Variants in POLE2 observed in about 807,000 individuals in gnomAD.
POLE2 encodes the protein DNA polymerase epsilon 2, accessory subunit.
A neutral mutation model predicts 79.4 loss-of-function variants in POLE2; 56 were observed. The observed-to-expected ratio is 0.71, with a 90% confidence interval of 0.57 to 0.88. POLE2 has a LOEUF of 0.88. Among genes scored for constraint, POLE2 ranks in the 40% least tolerant of loss-of-function variants. The pLI, the probability that POLE2 is intolerant of heterozygous loss-of-function variation, is 0.00. For missense variants in POLE2, 598 were observed against 638.9 expected (o/e 0.94, Z 0.69); for synonymous variants, 212 against 214.0 (o/e 0.99, Z 0.08).
chr14:49,669,131 C>A (rs569517597), intron 6 of POLE2, among the ~76,000 whole-genome samples: 1 of 152,210 alleles, frequency 6.6e-6, no homozygotes, highest in East Asian at 1.9e-4. Flanking sequence ...GTGGTGGTCA[C>A]TGAGGGATGA....
In POLE2 at chr14:49,647,231, C is replaced by G. The variant is rs992260892; in HGVS notation, c.1565+62G>C. 5.8e-6 allele frequency: 5 copies of G among 864,178 alleles called. No homozygotes were observed. In the African/African-American group the frequency reaches 7.0e-5, roughly 12 times the overall value. 53.5% of individuals were successfully genotyped at this position (864,178 alleles called of 1,614,324 possible). A position where few individuals can be genotyped will look rare whatever the true frequency, so the allele number is the denominator to read the frequency against. On this transcript the variant is annotated intron_variant, in intron 18 of 18. Transcript: ENST00000216367. ...ATCCCAACACACTGATAGAACATCTCATTTTCAGTAATTTAACACCTAGAG... is the reference window on the plus strand; with the variant it reads ...ATCCCAACACACTGATAGAACATCTGATTTTCAGTAATTTAACACCTAGAG...
rs35928004 is a variant in POLE2, at chr14:49,673,671, G to C, written c.417+452C>G. 9.2e-3 allele frequency among the ~76,000 whole-genome samples: 1,395 copies of C among 152,144 alleles called. 21 individuals carry two copies. Among genetic ancestry groups the C allele is most frequent in the African/African-American group, 0.031 (1,306 of 41,500 alleles). ...CATAGACTGTAAGCTACTTGAAAGT[G>C]GTAAAGTATAGTAGGCAATGGTTGG... On this transcript the variant is annotated intron_variant, in intron 5 of 18. Coordinates refer to ENST00000216367, the MANE Select transcript of POLE2 (RefSeq NM_002692.4).
chr14:49,662,595 G>A (rs1885171570), intron 10 of POLE2, among the ~76,000 whole-genome samples: 4 of 152,240 alleles, frequency 2.6e-5, no homozygotes, highest in African/African-American at 4.8e-5. Context: ...CCCAAAGTGG[G>A]CAACCACTGC....
At chr14:49,656,227 C>T (rs1340471291) in intron 10 of POLE2, among the ~76,000 whole-genome samples, 1 of 151,896 alleles carries the variant, frequency 6.6e-6, no homozygotes. Flanking sequence ...ACGTGGCGGG[C>T]GCCTGTAGTC....
At chr14:49,665,269 G>A in intron 7 of POLE2, 106 bp from the exon 8 acceptor site, 1 of 630,554 alleles carries the variant, frequency 1.6e-6, no homozygotes, top group East Asian at 2.8e-5. Context: ...GGAGAAAGTG[G>A]ATTTTAAAAA....
At chr14:49,643,760 A>G in intron 18 of POLE2, 90 bp from the exon 19 acceptor site, 1 of 631,456 alleles carries the variant, frequency 1.6e-6, no homozygotes. Context: ...AGGTATAGTT[A>G]ATTGATTTTT....
intron 5 of POLE2, among the ~76,000 whole-genome samples, chr14:49,671,627 A>G (rs1265432672): frequency 4.1e-5 from 6 of 146,786 alleles, no homozygotes; most frequent in African/African-American, 1.5e-4. Flanking sequence ...AGAAAAAAAA[A>G]AAAAAAAAAA....
chr14:49,657,349 G>A (rs1884764538), intron 10 of POLE2, among the ~76,000 whole-genome samples: 1 of 151,684 alleles, frequency 6.6e-6, no homozygotes, highest in Admixed American at 6.6e-5. Context: ...CAAAAAAAGG[G>A]AATAGATATA....
chr14:49,657,166 T>C (rs1884747109), intron 10 of POLE2, among the ~76,000 whole-genome samples: 1 of 151,924 alleles, frequency 6.6e-6, no homozygotes, highest in Non-Finnish European at 1.5e-5. Context: ...GATTGTTTCA[T>C]GTCTGTCTCC....
At chr14:49,677,732 C>A in intron 3 of POLE2, 8 of 1,379,304 alleles carry the variant, frequency 5.8e-6, no homozygotes, top group Non-Finnish European at 7.8e-6. Context: ...GCAGAACCAA[C>A]TCAGCATCCC....
chr14:49,649,137 C>A (rs867346468), intron 17 of POLE2, among the ~76,000 whole-genome samples: 1 of 108,786 alleles, frequency 9.2e-6, no homozygotes, highest in Non-Finnish European at 1.8e-5. Flanking sequence ...ATTTCTTTCC[C>A]TTTTTTTTTT....
chr14:49,686,996 G>A (rs1887183912), intron 1 of POLE2, among the ~76,000 whole-genome samples: 1 of 152,058 alleles, frequency 6.6e-6, no homozygotes, highest in African/African-American at 2.4e-5. Context: ...AAAATATTGT[G>A]TTCTAGGTCA....
At chr14:49,655,492 GGTT>G (rs1277738544) in intron 11 of POLE2, among the ~76,000 whole-genome samples, 176 bp downstream of exon 11, 1 of 131,896 alleles carries the variant, frequency 7.6e-6, no homozygotes, top group Admixed American at 7.2e-5. Flanking sequence ...CACACACACA[GGTT>G]TTTTTCTTAA....
chr14:49,658,076 CT>C (rs745935612), intron 10 of POLE2, among the ~76,000 whole-genome samples: 331 of 144,238 alleles, frequency 2.3e-3, no homozygotes, highest in East Asian at 4.6e-3. Context: ...CTCTGGTCAT[CT>C]TTTTTTTTTT....
intron 1 of POLE2, among the ~76,000 whole-genome samples, chr14:49,684,042 C>G (rs1886927782): frequency 6.6e-6 from 1 of 152,156 alleles, no homozygotes; most frequent in Admixed American, 6.5e-5. Context: ...ACATTTAAGG[C>G]AAGAGTCCAT....
chr14:49,666,180 C>G, intron 7 of POLE2, 150 bp downstream of exon 7: 1 of 611,884 alleles, frequency 1.6e-6, no homozygotes, highest in Non-Finnish European at 2.9e-6. Context: ...ATACTATTTC[C>G]TCGTATTACC....
At chr14:49,681,088 G>C (rs1305837087) in intron 2 of POLE2, among the ~76,000 whole-genome samples, 1 of 152,176 alleles carries the variant, frequency 6.6e-6, no homozygotes, top group Non-Finnish European at 1.5e-5. Context: ...CATTAAGAGT[G>C]AACTCGGCAC....
intron 2 of POLE2, among the ~76,000 whole-genome samples, chr14:49,683,267 A>T (rs948630576): frequency 2.6e-5 from 4 of 152,010 alleles, no homozygotes; most frequent in African/African-American, 9.7e-5. Flanking sequence ...CCTGACATGG[A>T]GGTGTGTGCC....
Position 49,686,543 on chromosome 14 carries a change from A to T in POLE2, c.68+1593T>A, listed in dbSNP as rs45540631. 2.0e-3 allele frequency among the ~76,000 whole-genome samples: 311 copies of T among 152,302 alleles called. 8 individuals are homozygous for T. The East Asian group carries it at 0.055, about 27-fold the overall frequency. On this transcript the variant is annotated intron_variant, in intron 1 of 18. Transcript: ENST00000216367. ...CTGAAGTTGAGGACCCAACTAAGCC[A>T]CACCTGAATTCCTAACCCACAGAAA...
Sources: gnomAD v4.1 joint callset for allele counts (sites outside exome capture counted in the v4.1 genomes callset) on GRCh38, gnomAD v4.1.1 for gene constraint, MANE v1.5 for transcripts, NCBI Gene and HGNC (gene_info 2026-07-23, HGNC 2026-07-21) for gene names.